The following DENND1A variants were observed in gnomAD, a reference collection of about 807,000 sequenced individuals.
The protein encoded by DENND1A is DENN domain-containing protein 1A.
A neutral mutation model predicts 113.7 loss-of-function variants in DENND1A; 51 were observed. That is an observed-to-expected ratio of 0.45 (90% confidence interval 0.36 to 0.57). The LOEUF is 0.57. Among genes scored for constraint, DENND1A ranks in the 20% least tolerant of loss-of-function variants. The pLI, the probability that DENND1A is intolerant of heterozygous loss-of-function variation, is 0.00. For synonymous variants in DENND1A, 565 were observed against 570.8 expected (o/e 0.99, Z 0.14); for missense variants, 1,258 against 1,395.9 (o/e 0.90, Z 1.57).
chr9:123,825,588 G>A (rs547363589), intron 2 of DENND1A, among the ~76,000 whole-genome samples: 48 of 152,360 alleles, frequency 3.2e-4, no homozygotes, highest in African/African-American at 1.1e-3. Context: ...TGCCTGGCTT[G>A]CAGTGATTAT....
At chr9:123,696,809 G>A (rs375597976) in intron 5 of DENND1A, among the ~76,000 whole-genome samples, 5 of 152,128 alleles carry the variant, frequency 3.3e-5, no homozygotes, top group Non-Finnish European at 7.4e-5. Flanking sequence ...GGGATAGAGC[G>A]TGTTCCTTTC....
At chr9:123,844,351 A>G (rs1165755836) in intron 2 of DENND1A, among the ~76,000 whole-genome samples, 2 of 152,204 alleles carry the variant, frequency 1.3e-5, no homozygotes, top group African/African-American at 4.8e-5. Flanking sequence ...TATTAGAACT[A>G]ATAAACTAGT....
intron 2 of DENND1A, among the ~76,000 whole-genome samples, chr9:123,838,123 A>G (rs958937074): frequency 6.6e-6 from 1 of 152,188 alleles, no homozygotes; most frequent in Non-Finnish European, 1.5e-5. Flanking sequence ...ATTAACCTTA[A>G]GCAGAGCTAT....
rs529797545 is a variant in DENND1A at position 123,383,642 on chromosome 9, G to T, written c.2019+13C>A. 6.8e-6 allele frequency: 11 copies of T among 1,608,840 alleles called. No homozygotes were observed. The highest frequency in any genetic ancestry group is 4.0e-5 in the African/African-American group (3 of 74,996). ...CGGCCCCCGGCCGATACCCTCCCTT[G>T]CCCATGCCATACCTGATAGTCAAAG... On this transcript the variant is annotated intron_variant, in intron 23 of 23. Coordinates refer to ENST00000394215, the MANE Select transcript of DENND1A (RefSeq NM_001352964.2).
At chr9:123,663,101 C>T (rs952171979) in intron 8 of DENND1A, among the ~76,000 whole-genome samples, 3 of 152,050 alleles carry the variant, frequency 2.0e-5, no homozygotes, top group African/African-American at 7.2e-5. Flanking sequence ...TGTTTTTAAG[C>T]CATTAATATG....
intron 1 of DENND1A, among the ~76,000 whole-genome samples, chr9:123,881,049 G>A (rs902175910): frequency 2.6e-5 from 4 of 152,136 alleles, no homozygotes; most frequent in Admixed American, 2.6e-4. Flanking sequence ...CCCCCAGAGA[G>A]AAACATGGGC....
At chr9:123,638,758 G>A (rs552625079) in intron 9 of DENND1A, among the ~76,000 whole-genome samples, 7 of 152,062 alleles carry the variant, frequency 4.6e-5, no homozygotes, top group African/African-American at 1.7e-4. Context: ...ACCATGCCCA[G>A]CCTCACATGC....
At chr9:123,481,915 C>A (rs1172796426) in intron 13 of DENND1A, among the ~76,000 whole-genome samples, 1 of 150,504 alleles carries the variant, frequency 6.6e-6, no homozygotes, top group Non-Finnish European at 1.5e-5. Flanking sequence ...CATGCCTCAG[C>A]TACCTGAGTA....
intron 11 of DENND1A, among the ~76,000 whole-genome samples, chr9:123,590,924 C>T (rs2059427152): frequency 6.6e-6 from 1 of 152,128 alleles, no homozygotes; most frequent in Admixed American, 6.5e-5. Context: ...TACAAGGTGA[C>T]TCTCCCCAGG....
intron 21 of DENND1A, among the ~76,000 whole-genome samples, chr9:123,395,460 C>CTT (rs2131133380): frequency 1.3e-5 from 1 of 76,982 alleles, no homozygotes; most frequent in African/African-American, 7.8e-5. Context: ...AGAATCTACT[C>CTT]TCTCTCTCTG....
At chr9:123,825,361 A>G (rs1226371041) in intron 2 of DENND1A, among the ~76,000 whole-genome samples, 2 of 151,964 alleles carry the variant, frequency 1.3e-5, no homozygotes, top group Non-Finnish European at 2.9e-5. Context: ...AAGCGCAACT[A>G]CTGCCTCTGA....
chr9:123,531,554 T>TCTACAC (rs71490812), intron 13 of DENND1A, among the ~76,000 whole-genome samples: 4 of 103,128 alleles, frequency 3.9e-5, no homozygotes, highest in South Asian at 3.4e-4. Flanking sequence ...CCTCTCTCTC[T>TCTACAC]ACACACACAC....
At chr9:123,842,066 C>T (rs1466044244) in intron 2 of DENND1A, among the ~76,000 whole-genome samples, 1 of 152,144 alleles carries the variant, frequency 6.6e-6, no homozygotes, top group Non-Finnish European at 1.5e-5. Flanking sequence ...TCCCAAGAAA[C>T]AATTTGTATT....
At chr9:123,710,693 A>T (rs2140928119) in intron 5 of DENND1A, among the ~76,000 whole-genome samples, 1 of 146,556 alleles carries the variant, frequency 6.8e-6, no homozygotes, top group Non-Finnish European at 1.5e-5. Flanking sequence ...TTTTTTTGAG[A>T]CAGAGGTTCA....
At chr9:123,565,809 A>G (rs999517644) in intron 12 of DENND1A, among the ~76,000 whole-genome samples, 1 of 152,188 alleles carries the variant, frequency 6.6e-6, no homozygotes, top group Non-Finnish European at 1.5e-5. Context: ...CTTGCCTCAA[A>G]TTCAAAACAA....
rs1475421971 is a variant in DENND1A at position 123,711,822 on chromosome 9, A to G, written c.303-35033T>C. Among the ~76,000 whole-genome samples the G allele has an allele frequency of 3.9e-5, 6 of 152,214 alleles. No individual in the cohort carries two copies. The South Asian group carries it at 6.2e-4, about 16-fold the overall frequency. On this transcript the variant is annotated intron_variant, in intron 5 of 23. Coordinates refer to ENST00000394215, the MANE Select transcript of DENND1A (RefSeq NM_001352964.2). ...AACTAGTTTCTTATCCTTGGTGTTC[A>G]TTCATCTTACGGCTCCTTTTCTACC...
Position 123,538,683 on chromosome 9 carries a change from A to C in DENND1A, c.993+18887T>G, listed in dbSNP as rs547896315. On this transcript the variant is annotated intron_variant, in intron 13 of 23. Transcript: ENST00000394215. Reference sequence around the variant, plus strand: ...AAAAATTAAAAGTAATTAAATAAAAAATGACAATCGCAATGAACCAAAATC... The same window carrying C: ...AAAAATTAAAAGTAATTAAATAAAACATGACAATCGCAATGAACCAAAATC... 6.8e-4 allele frequency among the ~76,000 whole-genome samples: 102 copies of C among 149,670 alleles called. 2 individuals are homozygous for C. Among genetic ancestry groups the C allele is most frequent in the African/African-American group, 2.4e-3 (98 of 41,058 alleles).
chr9:123,758,494 G>C (rs1262561162), intron 4 of DENND1A, among the ~76,000 whole-genome samples: 2 of 152,188 alleles, frequency 1.3e-5, no homozygotes, highest in African/African-American at 2.4e-5. Flanking sequence ...AAGAGGAGGA[G>C]CTGAAATTGA....
At chr9:123,809,537 G>A (rs1836184071) in intron 2 of DENND1A, among the ~76,000 whole-genome samples, 1 of 152,176 alleles carries the variant, frequency 6.6e-6, no homozygotes, top group South Asian at 2.1e-4. Flanking sequence ...AAATGGCCCT[G>A]AGGAAAAGTA....
Sources: allele counts gnomAD v4.1 joint callset (sites outside exome capture counted in the v4.1 genomes callset), GRCh38; gene constraint gnomAD v4.1.1; transcripts MANE v1.5; gene names NCBI Gene and HGNC (gene_info 2026-07-23, HGNC 2026-07-21).